STX7: variants seen among roughly 807,000 people sequenced by gnomAD.
The protein encoded by STX7 is syntaxin 7.
STX7 carries 34 observed loss-of-function variants against 39.6 expected under a neutral mutation model. The observed-to-expected ratio is 0.86, with a 90% CI of 0.65 to 1.14. The LOEUF is 1.14. Ranked by LOEUF, STX7 falls within the 50% of genes most tolerant of loss-of-function variation. The pLI is 0.00. For missense variants in STX7, 284 were observed against 310.4 expected (o/e 0.92, Z 0.64); for synonymous variants, 119 against 99.1 (o/e 1.20, Z -1.19).
At position 132,457,686 on chromosome 6, in the gene STX7, C is replaced by T. The variant is rs1429056228; in HGVS notation, c.*3072G>A. 1.3e-5 allele frequency: 2 copies of T among 150,890 alleles called. No homozygotes were observed. Among genetic ancestry groups the T allele is most frequent in the Non-Finnish European group, 3.0e-5 (2 of 67,744 alleles). 9.3% of individuals were successfully genotyped at this position (150,890 alleles called of 1,614,324 possible). On this transcript the variant is annotated 3_prime_UTR_variant, in exon 10 of 10. Coordinates refer to ENST00000367941, the MANE Select transcript of STX7 (RefSeq NM_003569.3). ...TGAAAATACACAACTTTTTTTTTTC[C>T]AGGAAAGACAGATGTTATTTACCAC...
chr6:132,468,485 A>T lies in STX7; in HGVS notation c.538-10T>A, dbSNP rs1774620118. On this transcript the variant is annotated splice_polypyrimidine_tract_variant and intron_variant, in intron 7 of 9. Transcript: ENST00000367941. Reference sequence around the variant, plus strand: ...TATCCATAATATCAGCCTAAGAGAAAACGCATATATTATTATAATCAGAAA... The same window carrying T: ...TATCCATAATATCAGCCTAAGAGAATACGCATATATTATTATAATCAGAAA... 1 of 1,583,918 alleles carries T rather than the reference A, an allele frequency of 6.3e-7. No individual in the cohort carries two copies. The highest frequency in any genetic ancestry group is 2.2e-5 in the East Asian group (1 of 44,548).
At chr6:132,479,719 A>C (rs1442655207) in intron 2 of STX7, among the ~76,000 whole-genome samples, 1 of 152,208 alleles carries the variant, frequency 6.6e-6, no homozygotes, top group African/African-American at 2.4e-5. Flanking sequence ...GTATTGCCGT[A>C]CACCAATTTG....
At chr6:132,493,096 G>A (rs915753731) in intron 2 of STX7, among the ~76,000 whole-genome samples, 37 of 152,084 alleles carry the variant, frequency 2.4e-4, no homozygotes, top group Admixed American at 1.3e-3. Flanking sequence ...TGGAATAAAA[G>A]GCAAACTATC....
At chr6:132,464,254 C>T (rs566335695) in intron 8 of STX7, among the ~76,000 whole-genome samples, 179 bp from the exon 9 acceptor site, 3 of 152,264 alleles carry the variant, frequency 2.0e-5, no homozygotes, top group Middle Eastern at 3.4e-3. Context: ...TACACCTATA[C>T]TATTTTTCAG....
Position 132,475,623 on chromosome 6 carries a change from G to T in STX7, c.125C>A (p.Pro42His). The T allele has an allele frequency of 6.2e-7, 1 of 1,608,890 alleles. No individual in the cohort carries two copies. ...IQRTLNQLGTPQDSPELRQQL... is the reference protein window; with the variant it reads ...IQRTLNQLGTHQDSPELRQQL... ...TTGCCTCAATTCAGGTGAATCTTGAGGTGTTCCAAGTTGATTCAGAGTTCT... is the reference window on the plus strand; with the variant it reads ...TTGCCTCAATTCAGGTGAATCTTGATGTGTTCCAAGTTGATTCAGAGTTCT... Residue 42 changes from proline (P) to histidine (H), a missense_variant, in exon 3 of 10, where the codon CCT (proline) becomes CAT (histidine). Transcript: ENST00000367941.
intron 2 of STX7, among the ~76,000 whole-genome samples, chr6:132,501,279 C>T (rs1171434620): frequency 6.6e-6 from 1 of 152,164 alleles, no homozygotes; most frequent in Non-Finnish European, 1.5e-5. Flanking sequence ...GTCTCGAACT[C>T]CTGACCTCCC....
intron 2 of STX7, among the ~76,000 whole-genome samples, chr6:132,486,052 C>T (rs945764249): frequency 6.6e-6 from 1 of 152,138 alleles, no homozygotes; most frequent in Non-Finnish European, 1.5e-5. Context: ...TATTTTTGTA[C>T]ATTGATCAGA....
Position 132,456,647 on chromosome 6 carries a change from CAT to C in STX7, c.*4109_*4110del, listed in dbSNP as rs1774252174. On this transcript the variant is annotated 3_prime_UTR_variant, in exon 10 of 10. Coordinates refer to ENST00000367941, the MANE Select transcript of STX7 (RefSeq NM_003569.3). ...GGTTGGAAAAAAATGACTTGCTTAC[CAT>C]CTAGAGCCAATGCTTCTAAATTTTT... is the stretch of plus-strand genomic sequence containing the variant. 6.6e-6 allele frequency: 1 copy of C among 152,160 alleles called. No individual in the cohort carries two copies. The highest frequency in any genetic ancestry group is 1.5e-5 in the Non-Finnish European group (1 of 68,022). 9.4% of individuals were successfully genotyped at this position (152,160 alleles called of 1,614,324 possible). A position where few individuals can be genotyped will look rare whatever the true frequency, so the allele number is the denominator to read the frequency against.
intron 1 of STX7, among the ~76,000 whole-genome samples, chr6:132,509,997 T>C (rs1267095600): frequency 3.9e-5 from 6 of 152,202 alleles, no homozygotes; most frequent in African/African-American, 1.4e-4. Context: ...AATTATATAA[T>C]TCATTACCTA....
In STX7 at chr6:132,453,888, C is replaced by T. The variant is rs534825589; in HGVS notation, c.*6870G>A. On this transcript the variant is annotated 3_prime_UTR_variant, in exon 10 of 10. Coordinates refer to ENST00000367941, the MANE Select transcript of STX7 (RefSeq NM_003569.3). ...GTTTGGCAATTTCTTAAAAACTAAA[C>T]ATTCAACTACTATATGACCCAACTA... 6.6e-6 allele frequency: 1 copy of T among 152,014 alleles called. No individual in the cohort carries two copies. Among genetic ancestry groups the T allele is most frequent in the Non-Finnish European group, 1.5e-5 (1 of 67,972 alleles). The allele number at this position is 152,014 out of a possible 1,614,324, so 9.4% of individuals were successfully genotyped here.
At chr6:132,512,206 T>C (rs1246688918) in intron 1 of STX7, among the ~76,000 whole-genome samples, 1 of 152,128 alleles carries the variant, frequency 6.6e-6, no homozygotes, top group East Asian at 1.9e-4. Context: ...GTTTTATATA[T>C]TATATATAAT....
At chr6:132,476,882 G>A (rs149694956) in intron 2 of STX7, among the ~76,000 whole-genome samples, 48 of 152,026 alleles carry the variant, frequency 3.2e-4, no homozygotes, top group Middle Eastern at 3.4e-3. Flanking sequence ...TAAATAAAAC[G>A]TCAAGTAGAA....
At chr6:132,497,711 C>T (rs757791599) in intron 2 of STX7, among the ~76,000 whole-genome samples, 2 of 152,112 alleles carry the variant, frequency 1.3e-5, no homozygotes, top group African/African-American at 2.4e-5. Flanking sequence ...GTGAAAATGC[C>T]TACTCTGGTT....
At chr6:132,501,062 CTTT>C (rs765134328) in intron 2 of STX7, among the ~76,000 whole-genome samples, 3 of 143,706 alleles carry the variant, frequency 2.1e-5, no homozygotes, top group Admixed American at 6.9e-5. Context: ...CAGTCCCTGT[CTTT>C]TTTTTTTTTT....
At position 132,478,594 on chromosome 6, in the gene STX7, G is replaced by A. The variant is rs114048684; in HGVS notation, c.86-2932C>T. On this transcript the variant is annotated intron_variant, in intron 2 of 9. Transcript: ENST00000367941. ...CACCATCAAGGACAGAAAGAGCAGG[G>A]AGTGGACATGCCTCTCATTCCCATT... is the stretch of plus-strand genomic sequence containing the variant. 6.1e-3 allele frequency among the ~76,000 whole-genome samples: 923 copies of A among 152,296 alleles called. 6 individuals are homozygous for A. The highest frequency in any genetic ancestry group is 0.021 in the African/African-American group (854 of 41,564).
rs62424912 is a variant in STX7, at chr6:132,449,574, C to G, written c.*11184G>C. ...TAATCTCTAATTCTTATTTTCTATC[C>G]CTTTACCTGTTTTTGCTGCAATATG... On this transcript the variant is annotated 3_prime_UTR_variant, in exon 10 of 10. Coordinates refer to ENST00000367941, the MANE Select transcript of STX7 (RefSeq NM_003569.3). The G allele has an allele frequency of 2.0e-5, 3 of 152,090 alleles. No individual in the cohort carries two copies. The highest frequency in any genetic ancestry group is 4.4e-5 in the Non-Finnish European group (3 of 68,014). The allele number at this position is 152,090 out of a possible 1,614,324, so 9.4% of individuals were successfully genotyped here. A position where few individuals can be genotyped will look rare whatever the true frequency, so the allele number is the denominator to read the frequency against.
At chr6:132,512,814 G>A (rs1482065953) in intron 1 of STX7, among the ~76,000 whole-genome samples, 193 bp downstream of exon 1, 3 of 152,142 alleles carry the variant, frequency 2.0e-5, no homozygotes, top group Non-Finnish European at 4.4e-5. Flanking sequence ...GCACCCGGCC[G>A]GGGGGCGTGG....
chr6:132,455,969 C>T lies in STX7; in HGVS notation c.*4789G>A, dbSNP rs1041201567. 6.6e-6 allele frequency: 1 copy of T among 152,074 alleles called. No individual in the cohort carries two copies. The highest frequency in any genetic ancestry group is 2.4e-5 in the African/African-American group (1 of 41,402). 9.4% of individuals were successfully genotyped at this position (152,074 alleles called of 1,614,324 possible). ...ATATGGAGCATACTTACTGTTTTTGCTTTGAGTGCATTCTGATGAAATATA... is the reference window on the plus strand; with the variant it reads ...ATATGGAGCATACTTACTGTTTTTGTTTTGAGTGCATTCTGATGAAATATA... On this transcript the variant is annotated 3_prime_UTR_variant, in exon 10 of 10. Transcript: ENST00000367941.
chr6:132,479,942 G>A (rs1316986458), intron 2 of STX7, among the ~76,000 whole-genome samples: 5 of 152,090 alleles, frequency 3.3e-5, no homozygotes, highest in East Asian at 3.9e-4. Flanking sequence ...GTGATGTGCC[G>A]TTGTTGAGGG....
Sources: allele counts gnomAD v4.1 joint callset (sites outside exome capture counted in the v4.1 genomes callset), GRCh38; gene constraint gnomAD v4.1.1; transcripts MANE v1.5; gene names NCBI Gene and HGNC (gene_info 2026-07-23, HGNC 2026-07-21).